Variants in FIBCD1 observed in about 807,000 individuals in gnomAD.
The protein encoded by FIBCD1 is fibrinogen C domain-containing protein 1.
A neutral mutation model predicts 45.1 loss-of-function variants in FIBCD1; 47 were observed. That is an observed-to-expected ratio of 1.04 (90% CI 0.82 to 1.33). FIBCD1 has a LOEUF of 1.33. Ranked by LOEUF, FIBCD1 falls within the 40% of genes most tolerant of loss-of-function variation. The pLI, the probability that FIBCD1 is intolerant of heterozygous loss-of-function variation, is 0.00. For missense variants in FIBCD1, 653 were observed against 682.2 expected, an observed-to-expected ratio of 0.96 and a Z score of 0.48; for synonymous variants, 313 against 308.1, an observed-to-expected ratio of 1.02 and a Z score of -0.17.
At chr9:130,927,908 G>A (rs1222336408) in intron 2 of FIBCD1, among the ~76,000 whole-genome samples, 3 of 152,212 alleles carry the variant, frequency 2.0e-5, no homozygotes, top group Non-Finnish European at 4.4e-5. Context: ...TGATCTGCCC[G>A]CCTCGGCTTC....
intron 5 of FIBCD1, among the ~76,000 whole-genome samples, chr9:130,909,248 A>T (rs1195228455): frequency 2.0e-5 from 1 of 49,300 alleles, no homozygotes; most frequent in Admixed American, 2.0e-4. Flanking sequence ...CCTCCCTCCC[A>T]CCCAAGGCGC....
chr9:130,905,536 C>T (rs1201246527), intron 5 of FIBCD1, 123 bp from the exon 6 acceptor site: 25 of 1,010,390 alleles, frequency 2.5e-5, no homozygotes, highest in Non-Finnish European at 3.0e-5. Flanking sequence ...CCACCAAGTG[C>T]GTGCAATCAG....
At position 130,923,800 on chromosome 9, in the gene FIBCD1, A is replaced by T; in HGVS notation, c.793T>A (p.Tyr265Asn). 1 of 1,612,812 alleles carries T rather than the reference A, an allele frequency of 6.2e-7. No individual in the cohort carries two copies. The highest frequency in any genetic ancestry group is 8.5e-7 in the Non-Finnish European group (1 of 1,179,946). Residue 265 changes from tyrosine (Y) to asparagine (N), a missense_variant, in exon 4 of 7, where the codon TAC becomes AAC. Transcript: ENST00000372338. ...DGVYSVFPTH[Y>N]PAGFQVYCDM... The stretch of plus-strand genomic sequence containing the variant: ...CAGTACACCTGGAAGCCGGCCGGGT[A>T]GTGGGTGGGAAAGACAGAGTAGACG...
At chr9:130,905,023 A>G (rs965506764) in intron 6 of FIBCD1, among the ~76,000 whole-genome samples, 9 of 152,216 alleles carry the variant, frequency 5.9e-5, no homozygotes, top group African/African-American at 2.2e-4. Context: ...TGAAAAATTT[A>G]TTACTTAAAA....
rs779160487 is a variant in FIBCD1 at position 130,929,858 on chromosome 9, G to A, written c.261C>T (p.Ser87=). 5 of 1,549,752 alleles carry A rather than the reference G, an allele frequency of 3.2e-6. No homozygotes were observed. Among genetic ancestry groups the A allele is most frequent in the Non-Finnish European group, 4.4e-6 (5 of 1,146,666 alleles). ...GGTCAATGAGGATGCTGAGGTGCGA[G>A]CTGTCCGCCCTTTCCACAGTGACCA... ...SALVTVERAD[S]SHLSILIDPR... Residue 87 remains serine (S), a synonymous_variant, in exon 2 of 7, where the codon AGC becomes AGT. Transcript: ENST00000372338.
At chr9:130,913,518 A>T (rs997315848) in intron 4 of FIBCD1, among the ~76,000 whole-genome samples, 1 of 152,232 alleles carries the variant, frequency 6.6e-6, no homozygotes, top group African/African-American at 2.4e-5. Flanking sequence ...GCGTTTGGGC[A>T]GCTCTGACGT....
At chr9:130,920,570 A>G (rs1202333627) in intron 4 of FIBCD1, among the ~76,000 whole-genome samples, 2 of 152,156 alleles carry the variant, frequency 1.3e-5, no homozygotes, top group African/African-American at 4.8e-5. Context: ...CTGAGCTAAC[A>G]TGGCCACAGG....
intron 1 of FIBCD1, 68 bp downstream of exon 1, chr9:130,938,468 C>A: frequency 7.5e-7 from 1 of 1,339,248 alleles, no homozygotes; most frequent in Non-Finnish European, 9.7e-7. Flanking sequence ...TGGGTGCTCG[C>A]CCCGCCGGCC....
intron 2 of FIBCD1, 117 bp downstream of exon 2, chr9:130,929,450 T>G: frequency 7.4e-7 from 1 of 1,343,128 alleles, no homozygotes; most frequent in Non-Finnish European, 9.8e-7. Flanking sequence ...CAGTAGCCCC[T>G]TGTCTGGGGC....
chr9:130,919,667 C>G (rs928658052), intron 4 of FIBCD1, among the ~76,000 whole-genome samples: 2 of 152,178 alleles, frequency 1.3e-5, no homozygotes, highest in African/African-American at 4.8e-5. Context: ...CAATTACAGG[C>G]AGATGTGAAC....
At chr9:130,913,363 C>T (rs1832100205) in intron 4 of FIBCD1, among the ~76,000 whole-genome samples, 3 of 152,238 alleles carry the variant, frequency 2.0e-5, no homozygotes, top group Admixed American at 1.3e-4. Flanking sequence ...GCGGCACCGG[C>T]GAGCTGCCAG....
At chr9:130,916,328 G>A (rs752273413) in intron 4 of FIBCD1, among the ~76,000 whole-genome samples, 4 of 152,254 alleles carry the variant, frequency 2.6e-5, no homozygotes, top group East Asian at 1.9e-4. Flanking sequence ...AGTGACCCAC[G>A]GAGTACGCCC....
chr9:130,916,048 C>T (rs544007650), intron 4 of FIBCD1, among the ~76,000 whole-genome samples: 80 of 152,322 alleles, frequency 5.3e-4, no homozygotes, highest in African/African-American at 1.9e-3. Flanking sequence ...TCTGCCTCAG[C>T]CTCCTGAGTA....
rs140652727 is a variant in FIBCD1, at chr9:130,911,388, C to T, written c.946+404G>A. Among the ~76,000 whole-genome samples the T allele has an allele frequency of 7.2e-3, 1,097 of 152,344 alleles. 7 individuals carry two copies. The highest frequency in any genetic ancestry group is 0.011 in the Non-Finnish European group (728 of 68,032). ...CACCACTGGCCACTCTTGGGAGTTC[C>T]ATGCCTGGTGTCCCTGGCACCCTTG... is the stretch of plus-strand genomic sequence containing the variant. On this transcript the variant is annotated intron_variant, in intron 5 of 6. Coordinates refer to ENST00000372338, the MANE Select transcript of FIBCD1 (RefSeq NM_032843.5).
intron 2 of FIBCD1, among the ~76,000 whole-genome samples, chr9:130,928,758 G>A (rs763796169): frequency 2.2e-4 from 33 of 152,122 alleles, no homozygotes; most frequent in Admixed American, 9.8e-4. Flanking sequence ...GCCAGGGGCC[G>A]GGCAGGGCTC....
intron 4 of FIBCD1, among the ~76,000 whole-genome samples, chr9:130,917,005 G>A (rs971338590): frequency 6.6e-5 from 10 of 152,194 alleles, no homozygotes; most frequent in Non-Finnish European, 1.3e-4. Context: ...GGCTGAGGCA[G>A]GAGAATCACT....
chr9:130,918,347 C>T (rs905951170), intron 4 of FIBCD1, among the ~76,000 whole-genome samples: 14 of 151,894 alleles, frequency 9.2e-5, no homozygotes, highest in African/African-American at 3.4e-4. Context: ...GCCAGCTGGG[C>T]AGAGGAGCTG....
rs921522983 is a variant in FIBCD1, at chr9:130,922,207, C to T, written c.849+1537G>A. On this transcript the variant is annotated intron_variant, in intron 4 of 6. Transcript: ENST00000372338. The surrounding 1 kb of genome is among the most constrained non-coding windows in gnomAD (Gnocchi z 4.5). ...CACCAAAAATAGTCAGCACCAAGAT[C>T]CCAGGCGAGATGCGTCCCGCACTCA... 2.0e-4 allele frequency among the ~76,000 whole-genome samples: 31 copies of T among 152,208 alleles called. No homozygotes were observed. Among genetic ancestry groups the T allele is most frequent in the Non-Finnish European group, 3.8e-4 (26 of 68,028 alleles).
At chr9:130,913,416 C>T (rs1439865451) in intron 4 of FIBCD1, among the ~76,000 whole-genome samples, 2 of 152,254 alleles carry the variant, frequency 1.3e-5, no homozygotes, top group Non-Finnish European at 2.9e-5. Flanking sequence ...CGGAACTGCC[C>T]GGATGCCCGG....
Sources: gnomAD v4.1 joint callset for allele counts (sites outside exome capture counted in the v4.1 genomes callset) on GRCh38, gnomAD v4.1.1 for gene constraint, Gnocchi (gnomAD v3.1) non-coding constraint, MANE v1.5 for transcripts, NCBI Gene and HGNC (gene_info 2026-07-23, HGNC 2026-07-21) for gene names.